TCF20: variants seen among roughly 807,000 people sequenced by gnomAD.
The protein encoded by TCF20 is transcription factor 20.
TCF20 carries 3 observed loss-of-function variants against 148.6 expected under a neutral mutation model. That is an observed-to-expected ratio of 0.02 (90% CI 0.01 to 0.05). The LOEUF is 0.05. Ranked by LOEUF, TCF20 falls within the 10% of genes least tolerant of loss-of-function variation. The probability of loss-of-function intolerance (pLI) is 1.00; values close to 1 mark genes in which losing one functional copy is unlikely to be tolerated. For synonymous variants in TCF20, 1,049 were observed against 909.5 expected (o/e 1.15, Z -2.76); for missense variants, 2,350 against 2,429.3 (o/e 0.97, Z 0.69).
At chr22:42,238,862 A>G (rs1190296695) in intron 1 of TCF20, among the ~76,000 whole-genome samples, 1 of 152,196 alleles carries the variant, frequency 6.6e-6, no homozygotes, top group Non-Finnish European at 1.5e-5. Flanking sequence ...TCACGCCTGT[A>G]ATCCCAGCAC....
At chr22:42,199,040 T>G (rs1214655466) in intron 2 of TCF20, among the ~76,000 whole-genome samples, 1 of 152,196 alleles carries the variant, frequency 6.6e-6, no homozygotes, top group African/African-American at 2.4e-5. Context: ...GCTAACTGTA[T>G]TATACTATTA....
chr22:42,216,470 T>C (rs889003759), intron 1 of TCF20, among the ~76,000 whole-genome samples: 12 of 152,100 alleles, frequency 7.9e-5, no homozygotes, highest in African/African-American at 2.4e-4. Context: ...CACACAAACT[T>C]TGGAGTCAAC....
intron 1 of TCF20, among the ~76,000 whole-genome samples, chr22:42,245,059 G>A (rs1420458649): frequency 6.6e-6 from 1 of 151,852 alleles, no homozygotes; most frequent in African/African-American, 2.4e-5. Flanking sequence ...CTCCAGCCTG[G>A]GCAACAGAGC....
chr22:42,247,565 G>A (rs1925028283), intron 1 of TCF20, among the ~76,000 whole-genome samples: 1 of 152,132 alleles, frequency 6.6e-6, no homozygotes, highest in South Asian at 2.1e-4. Context: ...ACCAGGAGAT[G>A]TGGTTAGAGA....
intron 1 of TCF20, among the ~76,000 whole-genome samples, chr22:42,316,397 G>A (rs1927632131): frequency 6.6e-6 from 1 of 152,114 alleles, no homozygotes. Flanking sequence ...TCAGTCCCCT[G>A]GGCCTTCCCT....
intron 1 of TCF20, among the ~76,000 whole-genome samples, chr22:42,241,047 G>A (rs181691056): frequency 9.2e-5 from 14 of 152,140 alleles, no homozygotes; most frequent in African/African-American, 3.4e-4. Context: ...GTAAGGAGGG[G>A]GTTTCACCAT....
rs771241000 is a variant in TCF20 at position 42,210,110 on chromosome 22, A to G, written c.5196T>C (p.Thr1732=). 3 of 1,614,018 alleles carry G rather than the reference A, an allele frequency of 1.9e-6. No homozygotes were observed. Among genetic ancestry groups the G allele is most frequent in the Non-Finnish European group, 2.5e-6 (3 of 1,180,014 alleles). The change falls in exon 2 of 6, where the codon ACT becomes ACC. Residue 1732 remains threonine (T), a synonymous_variant. Coordinates refer to ENST00000677622, the MANE Select transcript of TCF20 (RefSeq NM_001378418.1). This position sits in a 1 kb window ranked among gnomAD's most constrained non-coding sequence, Gnocchi z 4.7. The part of the protein sequence containing the change: ...GPFYPQDYAA[T]LPKNPPPKRA... ...TCTTAGGAGGTGGATTCTTCGGGAGAGTGGCTGCATAATCTTGGGGATAAA... is the reference window on the plus strand; with the variant it reads ...TCTTAGGAGGTGGATTCTTCGGGAGGGTGGCTGCATAATCTTGGGGATAAA...
At chr22:42,215,944 T>C (rs1467516043) in intron 1 of TCF20, among the ~76,000 whole-genome samples, 1 of 152,042 alleles carries the variant, frequency 6.6e-6, no homozygotes, top group African/African-American at 2.4e-5. Context: ...TAATGCCTTA[T>C]TAGACAAATG....
In TCF20 at chr22:42,290,874, G is replaced by A. The variant is rs910839630; in HGVS notation, c.-37+52605C>T. On this transcript the variant is annotated intron_variant, in intron 1 of 1. Transcript: ENST00000515426. This position sits in a 1 kb window ranked among gnomAD's most constrained non-coding sequence, Gnocchi z 4.2. ...GAAGACCCTAGAACAGTGCTGGGAGGACTCACATCTTCAGGGGCTTTGCAA... is the reference window on the plus strand; with the variant it reads ...GAAGACCCTAGAACAGTGCTGGGAGAACTCACATCTTCAGGGGCTTTGCAA... Among the ~76,000 whole-genome samples, 1 of 152,182 alleles carries A rather than the reference G, an allele frequency of 6.6e-6. No individual in the cohort carries two copies. The highest frequency in any genetic ancestry group is 6.5e-5 in the Admixed American group (1 of 15,284).
chr22:42,201,146 T>C (rs1202466970), intron 2 of TCF20, among the ~76,000 whole-genome samples: 3 of 152,204 alleles, frequency 2.0e-5, no homozygotes, highest in Non-Finnish European at 2.9e-5. Context: ...CTGCTCCCCC[T>C]CTACCTCCCT....
intron 2 of TCF20, among the ~76,000 whole-genome samples, chr22:42,199,403 T>C (rs1354681701): frequency 2.0e-5 from 3 of 152,082 alleles, no homozygotes; most frequent in Admixed American, 6.6e-5. Context: ...CTCAATTCAG[T>C]GCATAAAGGC....
chr22:42,208,258 C>G (rs1021717177), intron 2 of TCF20, among the ~76,000 whole-genome samples: 1 of 151,956 alleles, frequency 6.6e-6, no homozygotes, highest in Non-Finnish European at 1.5e-5. Flanking sequence ...TCTGATTATT[C>G]TTTAAAAGTC....
At chr22:42,174,330 T>C (rs1286283241) in intron 3 of TCF20, among the ~76,000 whole-genome samples, 2 of 152,238 alleles carry the variant, frequency 1.3e-5, no homozygotes, top group African/African-American at 4.8e-5. Flanking sequence ...CATTGCAGTA[T>C]GTTAGGCTGA....
Position 42,254,672 on chromosome 22 carries a change from T to C in TCF20, c.-37+15667A>G, listed in dbSNP as rs6002662. On this transcript the variant is annotated intron_variant, in intron 1 of 5. Coordinates refer to ENST00000677622, the MANE Select transcript of TCF20 (RefSeq NM_001378418.1). Reference sequence around the variant, plus strand: ...CAGCCCTATACCCTGGGAGAAGAAATTGACATCAGGAAACTTCCATAAAAA... The same window carrying C: ...CAGCCCTATACCCTGGGAGAAGAAACTGACATCAGGAAACTTCCATAAAAA... Among the ~76,000 whole-genome samples the C allele has an allele frequency of 4.2e-3, 646 of 152,174 alleles. 1 individual carries two copies. The highest frequency in any genetic ancestry group is 0.012 in the African/African-American group (500 of 41,518).
At chr22:42,194,377 C>G (rs1401645659) in intron 2 of TCF20, among the ~76,000 whole-genome samples, 1 of 152,298 alleles carries the variant, frequency 6.6e-6, no homozygotes, top group African/African-American at 2.4e-5. Flanking sequence ...TGTGGCACTG[C>G]TAAAACCCTC....
At chr22:42,248,088 C>T (rs1925067355) in intron 1 of TCF20, among the ~76,000 whole-genome samples, 1 of 152,052 alleles carries the variant, frequency 6.6e-6, no homozygotes, top group Non-Finnish European at 1.5e-5. Flanking sequence ...ATGGTGCTTA[C>T]ATTTTGTGAA....
Position 42,212,792 on chromosome 22 carries a change from G to A in TCF20, c.2514C>T (p.Asp838=). ...TTTCAAACTTTCTGGGAATTGGATAGTCAGTCAAATTGATCTGTTTCATTT... is the reference window on the plus strand; with the variant it reads ...TTTCAAACTTTCTGGGAATTGGATAATCAGTCAAATTGATCTGTTTCATTT... The part of the protein sequence containing the change: ...APEMKQINLT[D]YPIPRKFEIE... The change falls in exon 2 of 6, where the codon GAC becomes GAT. Residue 838 remains aspartate (D), a synonymous_variant. Coordinates refer to ENST00000677622, the MANE Select transcript of TCF20 (RefSeq NM_001378418.1). 1 of 1,614,218 alleles carries A rather than the reference G, an allele frequency of 6.2e-7. No individual in the cohort carries two copies. The highest frequency in any genetic ancestry group is 1.1e-5 in the South Asian group (1 of 91,090).
At chr22:42,218,528 G>C (rs1277418153) in intron 1 of TCF20, among the ~76,000 whole-genome samples, 2 of 152,138 alleles carry the variant, frequency 1.3e-5, no homozygotes, top group African/African-American at 4.8e-5. Context: ...CTGAATGGGG[G>C]CTAAATTGAA....
intron 1 of TCF20, among the ~76,000 whole-genome samples, chr22:42,328,962 A>G (rs1387558525): frequency 2.6e-5 from 4 of 152,208 alleles, no homozygotes; most frequent in Non-Finnish European, 4.4e-5. Flanking sequence ...CCTGAACCAC[A>G]TGACCCCAGG....
Sources: gnomAD v4.1 joint callset for allele counts (sites outside exome capture counted in the v4.1 genomes callset) on GRCh38, gnomAD v4.1.1 for gene constraint, Gnocchi (gnomAD v3.1) non-coding constraint, MANE v1.5 for transcripts, NCBI Gene and HGNC (gene_info 2026-07-23, HGNC 2026-07-21) for gene names.